The following NXPH1 variants were observed in gnomAD, a reference collection of about 807,000 sequenced individuals.
The protein encoded by NXPH1 is neurexophilin-1.
A neutral mutation model predicts 23.7 loss-of-function variants in NXPH1; 5 were observed. The ratio of observed to expected loss-of-function variants is 0.21; its 90% CI spans 0.11 to 0.44. The LOEUF is 0.44. NXPH1 is among the 20% of genes least tolerant of loss of function. The pLI is 0.99. For missense variants in NXPH1, 324 were observed against 321.6 expected, an observed-to-expected ratio of 1.01 and a Z score of -0.06; for synonymous variants, 144 against 122.2, an observed-to-expected ratio of 1.18 and a Z score of -1.18.
intron 2 of NXPH1, among the ~76,000 whole-genome samples, chr7:8,611,647 A>C (rs1271139919): frequency 6.6e-6 from 1 of 152,138 alleles, no homozygotes; most frequent in Non-Finnish European, 1.5e-5. Flanking sequence ...CTGTACAGTT[A>C]AACCTTGTGG....
intron 2 of NXPH1, among the ~76,000 whole-genome samples, chr7:8,649,330 G>A (rs1386140292): frequency 7.2e-6 from 1 of 138,274 alleles, no homozygotes; most frequent in Non-Finnish European, 1.6e-5. Context: ...TCCTTTTTTT[G>A]TATTCAATGT....
intron 2 of NXPH1, among the ~76,000 whole-genome samples, chr7:8,531,135 A>G (rs1817942977): frequency 6.6e-6 from 1 of 152,194 alleles, no homozygotes; most frequent in Admixed American, 6.5e-5. Context: ...AAGTGGAGAT[A>G]ATAATATCTG....
At chr7:8,605,737 A>G (rs1044750545) in intron 2 of NXPH1, among the ~76,000 whole-genome samples, 1 of 152,114 alleles carries the variant, frequency 6.6e-6, no homozygotes, top group African/African-American at 2.4e-5. Context: ...GATAAGTTAA[A>G]TCTTTTAGAG....
intron 2 of NXPH1, among the ~76,000 whole-genome samples, chr7:8,619,597 ACT>A (rs1476396824): frequency 6.6e-6 from 1 of 152,080 alleles, no homozygotes; most frequent in Non-Finnish European, 1.5e-5. Context: ...AACCTCACTG[ACT>A]CTTGTGGATT....
At chr7:8,445,547 A>T (rs1415925162) in intron 2 of NXPH1, among the ~76,000 whole-genome samples, 1 of 152,178 alleles carries the variant, frequency 6.6e-6, no homozygotes, top group Non-Finnish European at 1.5e-5. Flanking sequence ...ATTTTAATAC[A>T]ATTGAAAACC....
intron 2 of NXPH1, among the ~76,000 whole-genome samples, chr7:8,627,401 G>T (rs552347084): frequency 6.6e-6 from 1 of 152,240 alleles, no homozygotes; most frequent in Non-Finnish European, 1.5e-5. Context: ...TCTTAAATAT[G>T]CAATGTTCTT....
intron 2 of NXPH1, among the ~76,000 whole-genome samples, chr7:8,728,994 T>C (rs1333359375): frequency 6.6e-6 from 1 of 150,508 alleles, no homozygotes; most frequent in South Asian, 2.1e-4. Flanking sequence ...TGGTAAGCTA[T>C]TGATTATTGC....
intron 2 of NXPH1, among the ~76,000 whole-genome samples, chr7:8,545,941 G>A (rs967224342): frequency 6.6e-5 from 10 of 151,408 alleles, no homozygotes; most frequent in African/African-American, 2.4e-4. Context: ...TCACTTTTTT[G>A]TGTGTAGGCT....
chr7:8,490,461 T>G (rs972227919), intron 2 of NXPH1, among the ~76,000 whole-genome samples: 1 of 151,980 alleles, frequency 6.6e-6, no homozygotes, highest in African/African-American at 2.4e-5. Flanking sequence ...ATTACAACTT[T>G]GTAACCAAAT....
intron 2 of NXPH1, among the ~76,000 whole-genome samples, chr7:8,655,992 C>T (rs545841886): frequency 1.3e-5 from 2 of 152,294 alleles, no homozygotes; most frequent in East Asian, 1.9e-4. Flanking sequence ...CTACACTAAA[C>T]TATATGGGGC....
chr7:8,708,251 G>T (rs1779733195), intron 2 of NXPH1, among the ~76,000 whole-genome samples: 1 of 152,056 alleles, frequency 6.6e-6, no homozygotes, highest in South Asian at 2.1e-4. Context: ...AGGAAGATAT[G>T]TTTTTCCCCC....
chr7:8,511,250 C>G (rs889784345), intron 2 of NXPH1, among the ~76,000 whole-genome samples: 1 of 152,064 alleles, frequency 6.6e-6, no homozygotes, highest in African/African-American at 2.4e-5. Flanking sequence ...GCTATTTTTC[C>G]AGGCTTTGTG....
chr7:8,718,881 T>C (rs1779919912), intron 2 of NXPH1, among the ~76,000 whole-genome samples: 1 of 152,234 alleles, frequency 6.6e-6, no homozygotes, highest in Non-Finnish European at 1.5e-5. Context: ...GTGCCGGCCA[T>C]CTACAGCTTT....
Position 8,506,388 on chromosome 7 carries a change from G to C in NXPH1, c.54+70621G>C, listed in dbSNP as rs140512276. Among the ~76,000 whole-genome samples, 150 of 152,184 alleles carry C rather than the reference G, an allele frequency of 9.9e-4. No individual in the cohort carries two copies. The East Asian group carries it at 0.024, about 24-fold the overall frequency. On this transcript the variant is annotated intron_variant, in intron 2 of 2. Transcript: ENST00000405863. ...TTAGTCACCTCATTTATAAAATGGG[G>C]ATGCTATTAATATTTCCTTTATAGG...
intron 2 of NXPH1, among the ~76,000 whole-genome samples, chr7:8,638,172 G>C (rs951334611): frequency 6.6e-6 from 1 of 152,172 alleles, no homozygotes; most frequent in Non-Finnish European, 1.5e-5. Context: ...ACACGAGCTA[G>C]GAAAACAAAG....
Position 8,495,890 on chromosome 7 carries a change from C to G in NXPH1, c.54+60123C>G, listed in dbSNP as rs570472922. Among the ~76,000 whole-genome samples the G allele has an allele frequency of 2.0e-5, 3 of 152,058 alleles. No homozygotes were observed. The South Asian group carries it at 6.2e-4, about 32-fold the overall frequency. On this transcript the variant is annotated intron_variant, in intron 2 of 2. Coordinates refer to ENST00000405863, the MANE Select transcript of NXPH1 (RefSeq NM_152745.3). ...TTTGCATTCTTGGAATTTAGTGGGG[C>G]AGGCAAAGCATGTATTGTGTTTCTG...
intron 2 of NXPH1, among the ~76,000 whole-genome samples, chr7:8,614,174 C>G (rs1819681531): frequency 6.6e-6 from 1 of 151,732 alleles, no homozygotes; most frequent in African/African-American, 2.4e-5. Context: ...ACTCGTCTCC[C>G]TTTGTTAGAT....
chr7:8,751,289 G>T lies in NXPH1; in HGVS notation c.336G>T (p.Thr112=), dbSNP rs186183722. The part of the protein sequence containing the change: ...PRAKRRPIVK[T]GKFKKMFGWG... Reference sequence around the variant, plus strand: ...CCAAGAGAAGGCCCATTGTTAAAACGGGCAAGTTTAAGAAAATGTTTGGAT... The same window carrying T: ...CCAAGAGAAGGCCCATTGTTAAAACTGGCAAGTTTAAGAAAATGTTTGGAT... The change falls in exon 3 of 3, where the codon ACG becomes ACT. Residue 112 remains threonine, a synonymous_variant. Transcript: ENST00000405863. The surrounding 1 kb of genome is among the most constrained non-coding windows in gnomAD (Gnocchi z 4.5). The T allele has an allele frequency of 6.2e-7, 1 of 1,613,782 alleles. No individual in the cohort carries two copies. The highest frequency in any genetic ancestry group is 1.3e-5 in the African/African-American group (1 of 74,906).
At chr7:8,467,716 A>G (rs1406348808) in intron 2 of NXPH1, among the ~76,000 whole-genome samples, 2 of 152,148 alleles carry the variant, frequency 1.3e-5, no homozygotes, top group Non-Finnish European at 2.9e-5. Flanking sequence ...GGTTGAAACT[A>G]TGACCAGTTA....
Sources: allele counts gnomAD v4.1 joint callset (sites outside exome capture counted in the v4.1 genomes callset), GRCh38; gene constraint gnomAD v4.1.1; non-coding constraint Gnocchi (gnomAD v3.1); transcripts MANE v1.5; gene names NCBI Gene and HGNC (gene_info 2026-07-23, HGNC 2026-07-21).